Variants in EVC observed in about 807,000 individuals in gnomAD.
EVC encodes the protein evC complex member EVC.
A neutral mutation model predicts 118.9 loss-of-function variants in EVC; 116 were observed. That is an observed-to-expected ratio of 0.98 (90% CI 0.84 to 1.14). The LOEUF is 1.14. Among genes scored for constraint, EVC ranks in the 50% most tolerant of loss-of-function variants. The probability of loss-of-function intolerance (pLI) is 0.00; values close to 1 mark genes in which losing one functional copy is unlikely to be tolerated. For synonymous variants in EVC, 619 were observed against 534.7 expected (o/e 1.16, Z -2.18); for missense variants, 1,401 against 1,246.4 (o/e 1.12, Z -1.87).
rs1728077223 is a variant in EVC, at chr4:5,738,813, G to A, written c.703-2903G>A. On this transcript the variant is annotated intron_variant, in intron 5 of 20. Coordinates refer to ENST00000264956, the MANE Select transcript of EVC (RefSeq NM_153717.3). The surrounding 1 kb of genome is among the most constrained non-coding windows in gnomAD (Gnocchi z 6.5). Reference sequence around the variant, plus strand: ...AATCTCTTGACCTTGTGATCCACCTGCCTCCGCCTCCCAAAGTGCTGGGAT... The same window carrying A: ...AATCTCTTGACCTTGTGATCCACCTACCTCCGCCTCCCAAAGTGCTGGGAT... Among the ~76,000 whole-genome samples, 1 of 151,966 alleles carries A rather than the reference G, an allele frequency of 6.6e-6. No individual in the cohort carries two copies. The highest frequency in any genetic ancestry group is 2.4e-5 in the African/African-American group (1 of 41,390).
intron 8 of EVC, among the ~76,000 whole-genome samples, chr4:5,750,052 CT>C (rs896697760): frequency 1.1e-4 from 16 of 151,916 alleles, no homozygotes; most frequent in African/African-American, 3.4e-4. Flanking sequence ...CACACATGGC[CT>C]TTTTTTTCTG....
chr4:5,795,079 G>A (rs1160429232), intron 13 of EVC, among the ~76,000 whole-genome samples: 1 of 152,090 alleles, frequency 6.6e-6, no homozygotes, highest in Non-Finnish European at 1.5e-5. Context: ...TATTTTTTAT[G>A]ACTGCATAGT....
At chr4:5,786,111 C>G (rs1711538075) in intron 12 of EVC, among the ~76,000 whole-genome samples, 2 of 152,220 alleles carry the variant, frequency 1.3e-5, no homozygotes, top group Admixed American at 1.3e-4. Context: ...TGACCTCTTG[C>G]AACTCTGTGA....
chr4:5,777,156 G>A (rs1734828780), intron 11 of EVC, among the ~76,000 whole-genome samples: 1 of 152,112 alleles, frequency 6.6e-6, no homozygotes. Flanking sequence ...CAATGATACT[G>A]TCCTTCTCCA....
At chr4:5,725,934 C>G (rs2151895014) in intron 2 of EVC, among the ~76,000 whole-genome samples, 1 of 152,284 alleles carries the variant, frequency 6.6e-6, no homozygotes, top group Middle Eastern at 3.4e-3. Context: ...TCACCCAAGT[C>G]TTTTTGTGAG....
intron 11 of EVC, among the ~76,000 whole-genome samples, chr4:5,778,683 G>A (rs1445681693): frequency 6.6e-6 from 1 of 151,992 alleles, no homozygotes; most frequent in African/African-American, 2.4e-5. Flanking sequence ...TTTTTGATGG[G>A]GTTGTTTGTT....
intron 1 of EVC, among the ~76,000 whole-genome samples, chr4:5,713,051 T>C (rs1261867172): frequency 1.3e-5 from 2 of 152,202 alleles, no homozygotes; most frequent in Non-Finnish European, 2.9e-5. Context: ...GAGCCTTAAG[T>C]ATCTGCTACC....
chr4:5,769,535 C>T (rs4688959), intron 11 of EVC, among the ~76,000 whole-genome samples: 66,320 of 151,736 alleles, frequency 0.44, 14,922 homozygotes, highest in Middle Eastern at 0.58. Flanking sequence ...GGATGCTGTG[C>T]GATCGCGTGA....
the EVC span, chr4:5,828,387 C>T: frequency 3.0e-4 from 441 of 1,470,774 alleles, 1 homozygote; most frequent in African/African-American, 3.4e-3. Flanking sequence ...GTTCCCAGGG[C>T]GATGACATTA....
At chr4:5,826,389 A>AACTC in the EVC span, 1 of 152,786 alleles carries the variant, frequency 6.5e-6, no homozygotes, top group Non-Finnish European at 1.5e-5. Flanking sequence ...GGAGGGAGAA[A>AACTC]ACTCAGTACA....
At chr4:5,815,335 A>G (rs1304946027), downstream of EVC, among the ~76,000 whole-genome samples, 1 of 152,078 alleles carries the variant, frequency 6.6e-6, no homozygotes, top group Non-Finnish European at 1.5e-5. Flanking sequence ...GAAACAATTG[A>G]CCAAAGGCAG....
intron 11 of EVC, among the ~76,000 whole-genome samples, chr4:5,777,530 C>T (rs796637572): frequency 3.3e-5 from 5 of 152,272 alleles, no homozygotes; most frequent in African/African-American, 7.2e-5. Flanking sequence ...TGGGCATGCC[C>T]CTCCAGATGT....
rs896463392 is a variant in EVC, at chr4:5,737,805, G to A, written c.703-3911G>A. ...CGAGAGCTCTGATGAAGATGTACAA[G>A]GAAGTTAATGTCATTTTCATGCCTG... On this transcript the variant is annotated intron_variant, in intron 5 of 20. Transcript: ENST00000264956. This position sits in a 1 kb window ranked among gnomAD's most constrained non-coding sequence, Gnocchi z 5.0. 2.0e-5 allele frequency among the ~76,000 whole-genome samples: 3 copies of A among 152,136 alleles called. No homozygotes were observed. Among genetic ancestry groups the A allele is most frequent in the Non-Finnish European group, 4.4e-5 (3 of 68,032 alleles).
At position 5,756,128 on chromosome 4, in the gene EVC, G is replaced by A. The variant is rs1731128705; in HGVS notation, c.1465-136G>A. Reference sequence around the variant, plus strand: ...AGCCATGTGACAGCCCCATGCCTCAGTTTCCTTGTGTGTAATACAGGTGCC... The same window carrying A: ...AGCCATGTGACAGCCCCATGCCTCAATTTCCTTGTGTGTAATACAGGTGCC... On this transcript the variant is annotated intron_variant, in intron 10 of 20. Transcript: ENST00000264956. The surrounding 1 kb of genome is among the most constrained non-coding windows in gnomAD (Gnocchi z 4.2). 1 of 717,114 alleles carries A rather than the reference G, an allele frequency of 1.4e-6. No homozygotes were observed. Among genetic ancestry groups the A allele is most frequent in the Non-Finnish European group, 2.4e-6 (1 of 411,492 alleles). The allele number at this position is 717,114 out of a possible 1,614,324, so 44.4% of individuals were successfully genotyped here.
intron 5 of EVC, among the ~76,000 whole-genome samples, chr4:5,736,714 T>TG (rs1201542970): frequency 2.0e-5 from 3 of 152,168 alleles, no homozygotes; most frequent in Admixed American, 2.0e-4. Flanking sequence ...TGTAATTGTT[T>TG]GGGGACACCA....
intron 11 of EVC, among the ~76,000 whole-genome samples, chr4:5,770,409 G>A (rs575686228): frequency 1.7e-3 from 252 of 152,282 alleles, no homozygotes; most frequent in South Asian, 8.3e-3. Context: ...GCTGAGAGGT[G>A]ACATACCAGG....
intron 12 of EVC, among the ~76,000 whole-genome samples, chr4:5,786,248 ATTTAATGGTATTG>A (rs1711568589): frequency 6.6e-6 from 1 of 152,252 alleles, no homozygotes. Context: ...CTGTTGAATC[ATTTAATGGTATTG>A]ATAGTGAAGG....
Position 5,810,463 on chromosome 4 carries a change from C to T in EVC, c.2894+13C>T, listed in dbSNP as rs886059508. On this transcript the variant is annotated intron_variant, in intron 20 of 20. Transcript: ENST00000264956. ...CAGGCTCACTCAGGTATGACTGGGCCCCGGACCTGTTGCCTGTGGCTGGGT... is the reference window on the plus strand; with the variant it reads ...CAGGCTCACTCAGGTATGACTGGGCTCCGGACCTGTTGCCTGTGGCTGGGT... The T allele has an allele frequency of 6.3e-7, 1 of 1,598,024 alleles. No individual in the cohort carries two copies. Among genetic ancestry groups the T allele is most frequent in the African/African-American group, 1.3e-5 (1 of 74,896 alleles).
At position 5,801,984 on chromosome 4, in the gene EVC, A is replaced by G. The variant is rs773252806; in HGVS notation, c.2339A>G (p.Tyr780Cys). ...ATGGAGGCGGCAGTGGAGAGCGTCTACGTGACCAGCGCTGGTGTCAGCCGC... is the reference window on the plus strand; with the variant it reads ...ATGGAGGCGGCAGTGGAGAGCGTCTGCGTGACCAGCGCTGGTGTCAGCCGC... ...TLMEAAVESVYVTSAGVSRLV... is the reference protein window; with the variant it reads ...TLMEAAVESVCVTSAGVSRLV... The change falls in exon 16 of 21, where the codon TAC becomes TGC. Residue 780 changes from tyrosine to cysteine, a missense_variant. Tyr to Cys is a radical substitution (Grantham distance 194). Coordinates refer to ENST00000264956, the MANE Select transcript of EVC (RefSeq NM_153717.3). The G allele has an allele frequency of 4.3e-6, 7 of 1,613,910 alleles. No homozygotes were observed. The East Asian group carries it at 8.9e-5, about 21-fold the overall frequency.
Sources: allele counts gnomAD v4.1 joint callset (sites outside exome capture counted in the v4.1 genomes callset), GRCh38; gene constraint gnomAD v4.1.1; non-coding constraint Gnocchi (gnomAD v3.1); transcripts MANE v1.5; gene names NCBI Gene and HGNC (gene_info 2026-07-23, HGNC 2026-07-21).